The following ARHGAP1 variants were observed in gnomAD, a reference collection of about 807,000 sequenced individuals.
The protein encoded by ARHGAP1 is Rho GTPase activating protein 1.
Under a neutral mutation model 52.2 loss-of-function variants are expected in ARHGAP1, and 23 were observed. The ratio of observed to expected loss-of-function variants is 0.44; its 90% CI spans 0.32 to 0.62. ARHGAP1 has a LOEUF of 0.62. Ranked by LOEUF, ARHGAP1 falls within the 20% of genes least tolerant of loss-of-function variation. The probability of loss-of-function intolerance (pLI) is 0.05; values close to 1 mark genes in which losing one functional copy is unlikely to be tolerated. For missense variants in ARHGAP1, 480 were observed against 560.9 expected (o/e 0.86, Z 1.46); for synonymous variants, 210 against 228.4 (o/e 0.92, Z 0.73).
chr11:46,680,185 A>G lies in ARHGAP1; in HGVS notation c.898+20T>C. On this transcript the variant is annotated intron_variant, in intron 10 of 12. Coordinates refer to ENST00000311956, the MANE Select transcript of ARHGAP1 (RefSeq NM_004308.5). The surrounding 1 kb of genome is among the most constrained non-coding windows in gnomAD (Gnocchi z 5.9). ...ACCAGTAACACACATATGGCCCTGC[A>G]ACAGCCCAGGGCTGCTCACCCATGT... The G allele has an allele frequency of 6.2e-7, 1 of 1,613,316 alleles. No individual in the cohort carries two copies. Among genetic ancestry groups the G allele is most frequent in the African/African-American group, 1.3e-5 (1 of 75,006 alleles).
Position 46,678,992 on chromosome 11 carries a change from A to C in ARHGAP1, c.*45T>G, listed in dbSNP as rs957008670. The C allele has an allele frequency of 3.1e-6, 5 of 1,602,392 alleles. No individual in the cohort carries two copies. Among genetic ancestry groups the C allele is most frequent in the Non-Finnish European group, 4.3e-6 (5 of 1,171,966 alleles). ...CCCCTGATGCCAGGAGGAAGAGTCC[A>C]AACCCGGGCTACCAGAGAAGGGGCT... is the stretch of plus-strand genomic sequence containing the variant. On this transcript the variant is annotated 3_prime_UTR_variant, in exon 13 of 13. Coordinates refer to ENST00000311956, the MANE Select transcript of ARHGAP1 (RefSeq NM_004308.5).
intron 4 of ARHGAP1, among the ~76,000 whole-genome samples, chr11:46,685,676 C>CTTTTT (rs34418008): frequency 5.2e-4 from 58 of 112,196 alleles, no homozygotes; most frequent in Non-Finnish European, 9.0e-4. Flanking sequence ...GCACAAGTCT[C>CTTTTT]TTTTTTTTTT....
At position 46,696,472 on chromosome 11, in the gene ARHGAP1, G is replaced by C. The variant is rs1266895974; in HGVS notation, c.-49-316C>G. Reference sequence around the variant, plus strand: ...GCCACCCAGCTGGCTCAGTGATGCAGTCCCAGCTGTAGAGGGCAGAGGTCC... The same window carrying C: ...GCCACCCAGCTGGCTCAGTGATGCACTCCCAGCTGTAGAGGGCAGAGGTCC... On this transcript the variant is annotated intron_variant, in intron 1 of 12. Transcript: ENST00000311956. The surrounding 1 kb of genome is among the most constrained non-coding windows in gnomAD (Gnocchi z 4.8). Among the ~76,000 whole-genome samples the C allele has an allele frequency of 6.6e-6, 1 of 152,236 alleles. No individual in the cohort carries two copies. The highest frequency in any genetic ancestry group is 1.5e-5 in the Non-Finnish European group (1 of 68,042).
Position 46,681,435 on chromosome 11 carries a change from T to G in ARHGAP1, c.450-56A>C. 2 of 1,335,504 alleles carry G rather than the reference T, an allele frequency of 1.5e-6. No individual in the cohort carries two copies. The highest frequency in any genetic ancestry group is 1.7e-5 in the Admixed American group (1 of 58,552). The allele number at this position is 1,335,504 out of a possible 1,614,324, so 82.7% of individuals were successfully genotyped here. On this transcript the variant is annotated intron_variant, in intron 5 of 12. Coordinates refer to ENST00000311956, the MANE Select transcript of ARHGAP1 (RefSeq NM_004308.5). This position sits in a 1 kb window ranked among gnomAD's most constrained non-coding sequence, Gnocchi z 5.7. ...AGGCGTGGTGGGACAGGTGCCACGC[T>G]AGGGTCCCAGTGCATACTTTTTTTT...
chr11:46,691,602 C>T (rs745499176), intron 3 of ARHGAP1, among the ~76,000 whole-genome samples: 2 of 152,034 alleles, frequency 1.3e-5, no homozygotes, highest in African/African-American at 2.4e-5. Flanking sequence ...CAGGCATGTC[C>T]CACCACACCC....
chr11:46,690,752 T>C (rs1437690104), intron 3 of ARHGAP1, among the ~76,000 whole-genome samples: 1 of 152,186 alleles, frequency 6.6e-6, no homozygotes, highest in Non-Finnish European at 1.5e-5. Flanking sequence ...ATCACTGTCC[T>C]GACCCTTCAC....
Position 46,677,976 on chromosome 11 carries a change from CT to C in ARHGAP1, c.*1060del, listed in dbSNP as rs1265439608. 1 of 437,448 alleles carries C rather than the reference CT, an allele frequency of 2.3e-6. No individual in the cohort carries two copies. The highest frequency in any genetic ancestry group is 4.5e-6 in the Non-Finnish European group (1 of 221,312). The allele number at this position is 437,448 out of a possible 1,614,324, so 27.1% of individuals were successfully genotyped here. A position where few individuals can be genotyped will look rare whatever the true frequency, so the allele number is the denominator to read the frequency against. On this transcript the variant is annotated 3_prime_UTR_variant, in exon 13 of 13. Transcript: ENST00000311956. ...AAAAAAAAAGGTGGCCCTAGAGCCC[CT>C]TAATCCCCTGGGGAAATTGCTAGAA...
In ARHGAP1 at chr11:46,682,118, C is replaced by CGTG. The variant is rs768993292; in HGVS notation, c.379_381dup (p.His127dup). On this transcript the variant is annotated inframe_insertion, in exon 5 of 13. Transcript: ENST00000311956. Reference sequence around the variant, plus strand: ...GAGGGCTTGTTGTCGCTGGTCAGGCCGTGGTGCAGATACAGAAGTGTGTAG... The same window carrying CGTG: ...GAGGGCTTGTTGTCGCTGGTCAGGCCGTGGTGGTGCAGATACAGAAGTGTGTAG... 1 of 1,614,180 alleles carries CGTG rather than the reference C, an allele frequency of 6.2e-7. No homozygotes were observed. The highest frequency in any genetic ancestry group is 1.3e-5 in the African/African-American group (1 of 75,058).
At chr11:46,693,144 G>A (rs965460979) in intron 3 of ARHGAP1, among the ~76,000 whole-genome samples, 2 of 151,486 alleles carry the variant, frequency 1.3e-5, no homozygotes. Context: ...GAGCCACCGC[G>A]CCTGGCCTTA....
At chr11:46,687,790 C>T (rs945121606) in intron 4 of ARHGAP1, 9 of 188,286 alleles carry the variant, frequency 4.8e-5, no homozygotes, top group Middle Eastern at 2.2e-3. Flanking sequence ...GTCCTATAAA[C>T]GATAAACAAC....
intron 2 of ARHGAP1, 61 bp downstream of exon 2, chr11:46,695,914 C>T: frequency 1.9e-6 from 3 of 1,611,964 alleles, no homozygotes; most frequent in Non-Finnish European, 2.5e-6. Context: ...CTCCCTTCAG[C>T]AGAAGGAGTG....
At chr11:46,685,331 T>C (rs1345793861) in intron 4 of ARHGAP1, among the ~76,000 whole-genome samples, 1 of 124,618 alleles carries the variant, frequency 8.0e-6, no homozygotes, top group East Asian at 2.0e-4. Context: ...TGTATATTCT[T>C]TTTTTTTTTT....
chr11:46,696,243 A>C lies in ARHGAP1; in HGVS notation c.-49-87T>G. On this transcript the variant is annotated intron_variant, in intron 1 of 12. Transcript: ENST00000311956. The surrounding 1 kb of genome is among the most constrained non-coding windows in gnomAD (Gnocchi z 4.8). ...CACCGCGTGCCCTCCTGCCCCCACC[A>C]TTCCCTCTCCCAGGCTCCCTGTCCC... 1 of 877,752 alleles carries C rather than the reference A, an allele frequency of 1.1e-6. No individual in the cohort carries two copies. The highest frequency in any genetic ancestry group is 1.7e-6 in the Non-Finnish European group (1 of 586,118). 54.4% of individuals were successfully genotyped at this position (877,752 alleles called of 1,614,324 possible). A position where few individuals can be genotyped will look rare whatever the true frequency, so the allele number is the denominator to read the frequency against.
intron 4 of ARHGAP1, chr11:46,687,271 G>T (rs2064578240): frequency 6.6e-6 from 1 of 152,310 alleles, no homozygotes; most frequent in African/African-American, 2.4e-5. Flanking sequence ...CAGAGAGATA[G>T]AATTCCTAGA....
Position 46,695,995 on chromosome 11 carries a change from A to C in ARHGAP1, c.113T>G (p.Met38Arg). The change falls in exon 2 of 13, where the codon ATG (methionine) becomes AGG (arginine). Residue 38 changes from methionine to arginine, a missense_variant. Met to Arg is a moderately conservative substitution (Grantham distance 91). Coordinates refer to ENST00000311956, the MANE Select transcript of ARHGAP1 (RefSeq NM_004308.5). ...CCCACCTGACTTGGGGAAGTCAGGC[A>C]TTTCATCCGAGGGCCAGTTCTTCTC... ...IDEKNWPSDE[M>R]PDFPKSDDSK... 2 of 1,614,146 alleles carry C rather than the reference A, an allele frequency of 1.2e-6. No homozygotes were observed. The highest frequency in any genetic ancestry group is 1.7e-6 in the Non-Finnish European group (2 of 1,180,018).
chr11:46,694,621 C>T (rs556538351), intron 3 of ARHGAP1, among the ~76,000 whole-genome samples: 62 of 152,318 alleles, frequency 4.1e-4, no homozygotes, highest in African/African-American at 1.4e-3. Flanking sequence ...AGGTACCCCC[C>T]AGACTCCAGT....
intron 4 of ARHGAP1, among the ~76,000 whole-genome samples, chr11:46,686,205 C>T (rs866064608): frequency 1.3e-5 from 2 of 151,150 alleles, no homozygotes; most frequent in African/African-American, 2.4e-5. Context: ...AGGCTGGTCT[C>T]GAACTGCTGA....
In ARHGAP1 at chr11:46,680,837, A is replaced by G; in HGVS notation, c.636-90T>C. On this transcript the variant is annotated intron_variant, in intron 7 of 12. Coordinates refer to ENST00000311956, the MANE Select transcript of ARHGAP1 (RefSeq NM_004308.5). The surrounding 1 kb of genome is among the most constrained non-coding windows in gnomAD (Gnocchi z 5.9). ...CAAGCATTGACCACGCGGGGTCAGG[A>G]GGATCATCTCATGCGATCTCTGTAA... 8.9e-7 allele frequency: 1 copy of G among 1,120,118 alleles called. No individual in the cohort carries two copies. Among genetic ancestry groups the G allele is most frequent in the East Asian group, 2.4e-5 (1 of 41,672 alleles). The allele number at this position is 1,120,118 out of a possible 1,614,324, so 69.4% of individuals were successfully genotyped here.
In ARHGAP1 at chr11:46,696,003, C is replaced by A. The variant is rs755954057; in HGVS notation, c.105G>T (p.Ser35=). Residue 35 remains serine (S), a synonymous_variant, in exon 2 of 13, where the codon TCG becomes TCT. Coordinates refer to ENST00000311956, the MANE Select transcript of ARHGAP1 (RefSeq NM_004308.5). The surrounding 1 kb of genome is among the most constrained non-coding windows in gnomAD (Gnocchi z 4.8). ...LASIDEKNWP[S]DEMPDFPKSD... ...ACTTGGGGAAGTCAGGCATTTCATC[C>A]GAGGGCCAGTTCTTCTCATCGATGG... is the stretch of plus-strand genomic sequence containing the variant. 1 of 1,614,044 alleles carries A rather than the reference C, an allele frequency of 6.2e-7. No individual in the cohort carries two copies. The highest frequency in any genetic ancestry group is 8.5e-7 in the Non-Finnish European group (1 of 1,180,014).
Sources: allele counts gnomAD v4.1 joint callset (sites outside exome capture counted in the v4.1 genomes callset), GRCh38; gene constraint gnomAD v4.1.1; non-coding constraint Gnocchi (gnomAD v3.1); transcripts MANE v1.5; gene names NCBI Gene and HGNC (gene_info 2026-07-23, HGNC 2026-07-21).